The following PDE1C variants were observed in gnomAD, a reference collection of about 807,000 sequenced individuals.
PDE1C encodes dual specificity calcium/calmodulin-dependent 3',5'-cyclic nucleotide phosphodiesterase 1C.
In PDE1C, 62 loss-of-function variants were observed where a neutral mutation model predicts 93.1. The observed-to-expected ratio is 0.67, with a 90% CI of 0.54 to 0.82. The LOEUF (loss-of-function observed/expected upper bound fraction) is 0.82. Ranked by LOEUF, PDE1C falls within the 40% of genes least tolerant of loss-of-function variation. The pLI is 0.00. For missense variants in PDE1C, 742 were observed against 884.6 expected (o/e 0.84, Z 2.04); for synonymous variants, 325 against 310.1 (o/e 1.05, Z -0.50).
At chr7:32,126,864 T>C (rs1799610405) in intron 3 of PDE1C, among the ~76,000 whole-genome samples, 1 of 152,180 alleles carries the variant, frequency 6.6e-6, no homozygotes, top group Non-Finnish European at 1.5e-5. Flanking sequence ...TTGAAGATAA[T>C]TGAGGCAATG....
At chr7:31,966,789 C>T (rs904688920) in intron 2 of PDE1C, among the ~76,000 whole-genome samples, 17 of 152,190 alleles carry the variant, frequency 1.1e-4, no homozygotes, top group African/African-American at 3.9e-4. Flanking sequence ...CAAACTAGAA[C>T]TCAGGATTAA....
At chr7:31,760,231 A>G (rs1244511958) in intron 17 of PDE1C, among the ~76,000 whole-genome samples, 2 of 152,212 alleles carry the variant, frequency 1.3e-5, no homozygotes, top group Non-Finnish European at 2.9e-5. Flanking sequence ...AGTTTCTCTC[A>G]ATTTTATTTG....
upstream of PDE1C, among the ~76,000 whole-genome samples, chr7:32,073,994 GCATA>G (rs949124936): frequency 3.1e-4 from 47 of 151,898 alleles, no homozygotes; most frequent in African/African-American, 1.1e-3. Flanking sequence ...ATATAGACAT[GCATA>G]CATACATACA....
intron 3 of PDE1C, among the ~76,000 whole-genome samples, chr7:32,157,992 C>G (rs1390766714): frequency 2.0e-5 from 3 of 152,054 alleles, no homozygotes; most frequent in Non-Finnish European, 4.4e-5. Flanking sequence ...AATTTAACAA[C>G]TAAGGAAACT....
intron 3 of PDE1C, among the ~76,000 whole-genome samples, chr7:32,076,546 G>C (rs955134788): frequency 6.6e-6 from 1 of 151,668 alleles, no homozygotes; most frequent in African/African-American, 2.4e-5. Context: ...AGAAGGCTAA[G>C]GCACAAGAAT....
chr7:32,024,281 T>C (rs1789109773), intron 2 of PDE1C, among the ~76,000 whole-genome samples: 1 of 152,036 alleles, frequency 6.6e-6, no homozygotes, highest in South Asian at 2.1e-4. Context: ...GGGGGAAATT[T>C]ATAAAATGTC....
At chr7:32,413,507 C>G (rs1437224972) in intron 1 of PDE1C, among the ~76,000 whole-genome samples, 1 of 152,130 alleles carries the variant, frequency 6.6e-6, no homozygotes, top group East Asian at 1.9e-4. Context: ...CTCTTACACG[C>G]AGGACCCAGA....
At position 31,837,269 on chromosome 7, in the gene PDE1C, G is replaced by A; in HGVS notation, c.1114C>T (p.Leu372=). The A allele has an allele frequency of 6.2e-7, 1 of 1,613,404 alleles. No homozygotes were observed. The highest frequency in any genetic ancestry group is 2.2e-5 in the East Asian group (1 of 44,790). The part of the protein sequence containing the change: ...IEKPKALSLM[L]HTADISHPAK... ...GGATGGCTAATATCTGCTGTATGCA[G>A]CATAAGGGATAAGGCTTTTGGCTTT... The change falls in exon 11 of 18, where the codon CTG becomes TTG. Residue 372 remains leucine, a synonymous_variant. Transcript: ENST00000396191.
At chr7:32,096,812 G>GA (rs1563309592) in intron 3 of PDE1C, among the ~76,000 whole-genome samples, 28 of 100,548 alleles carry the variant, frequency 2.8e-4, no homozygotes, top group African/African-American at 1.1e-3. Flanking sequence ...GAACCAGTAG[G>GA]GGATAGAAAG....
intron 3 of PDE1C, among the ~76,000 whole-genome samples, chr7:32,079,180 G>A (rs929366): frequency 0.071 from 10,849 of 152,214 alleles, 423 homozygotes; most frequent in African/African-American, 0.083. Context: ...TCATTCATTC[G>A]TTCAACAAAC....
intron 1 of PDE1C, among the ~76,000 whole-genome samples, chr7:32,344,633 C>G (rs1208672136): frequency 2.0e-5 from 3 of 152,072 alleles, no homozygotes; most frequent in Non-Finnish European, 4.4e-5. Context: ...TTTTCTGGAC[C>G]ACCTTTATAT....
the PDE1C span, among the ~76,000 whole-genome samples, chr7:31,690,119 A>G: frequency 6.6e-6 from 1 of 152,222 alleles, no homozygotes; most frequent in Non-Finnish European, 1.5e-5. Context: ...TGGTGCTGCC[A>G]TAGCTGCTTT....
chr7:32,248,239 G>A (rs73306633), intron 1 of PDE1C, among the ~76,000 whole-genome samples: 1,869 of 152,254 alleles, frequency 0.012, 17 homozygotes, highest in African/African-American at 0.02. Context: ...GAAACAATGG[G>A]GGACTCCAGA....
the PDE1C span, among the ~76,000 whole-genome samples, chr7:31,628,288 G>A: frequency 6.6e-6 from 1 of 151,786 alleles, no homozygotes; most frequent in African/African-American, 2.4e-5. Flanking sequence ...GCAGGGCAGA[G>A]AATGATCAGA....
intron 1 of PDE1C, among the ~76,000 whole-genome samples, chr7:32,059,170 A>T (rs571125402): frequency 6.6e-6 from 1 of 152,304 alleles, no homozygotes; most frequent in Admixed American, 6.5e-5. Context: ...GGACTCCAGT[A>T]TGTTTAGCCA....
intron 2 of PDE1C, among the ~76,000 whole-genome samples, chr7:32,002,489 T>A (rs1317606299): frequency 1.3e-5 from 2 of 152,194 alleles, no homozygotes; most frequent in African/African-American, 4.8e-5. Context: ...GTGATCCAGG[T>A]ACCTGTGATC....
At chr7:32,413,041 G>A (rs767753530) in intron 1 of PDE1C, among the ~76,000 whole-genome samples, 8 of 152,130 alleles carry the variant, frequency 5.3e-5, no homozygotes, top group Non-Finnish European at 1.0e-4. Flanking sequence ...TTACACAAGC[G>A]TATGCATTTC....
chr7:32,148,185 T>G (rs970992578), intron 3 of PDE1C, among the ~76,000 whole-genome samples: 1 of 152,068 alleles, frequency 6.6e-6, no homozygotes, highest in Admixed American at 6.6e-5. Flanking sequence ...GAATCACACA[T>G]CTTTTTATTT....
the PDE1C span, among the ~76,000 whole-genome samples, chr7:31,725,149 C>T: frequency 5.3e-5 from 8 of 152,144 alleles, no homozygotes; most frequent in East Asian, 7.7e-4. Context: ...CCTTGCCACC[C>T]GCATCTCCCA....
Sources: gnomAD v4.1 joint callset for allele counts (sites outside exome capture counted in the v4.1 genomes callset) on GRCh38, gnomAD v4.1.1 for gene constraint, MANE v1.5 for transcripts, NCBI Gene and HGNC (gene_info 2026-07-23, HGNC 2026-07-21) for gene names.